Variants in SYNE1 observed in about 807,000 individuals in gnomAD.
SYNE1 encodes nesprin-1.
In SYNE1, 616 loss-of-function variants were observed where a neutral mutation model predicts 1,111.0. That is an observed-to-expected ratio of 0.55 (90% CI 0.52 to 0.59). The LOEUF (loss-of-function observed/expected upper bound fraction) is 0.59. Among genes scored for constraint, SYNE1 ranks in the 20% least tolerant of loss-of-function variants. The pLI is 0.00. For synonymous variants in SYNE1, 3,855 were observed against 3,825.8 expected, an observed-to-expected ratio of 1.01 and a Z score of -0.28; for missense variants, 10,006 against 10,417.0, an observed-to-expected ratio of 0.96 and a Z score of 1.72.
intron 3 of SYNE1, among the ~76,000 whole-genome samples, chr6:152,616,440 G>C (rs907927709): frequency 6.6e-6 from 1 of 152,134 alleles, no homozygotes; most frequent in African/African-American, 2.4e-5. Flanking sequence ...GCCAGGCATG[G>C]TGGCATATGC....
intron 6 of SYNE1, among the ~76,000 whole-genome samples, chr6:152,515,125 G>T (rs2154342541): frequency 6.6e-6 from 1 of 152,116 alleles, no homozygotes; most frequent in Non-Finnish European, 1.5e-5. Flanking sequence ...GGGAGGCTGA[G>T]GCAGGAGAAT....
At chr6:152,621,683 C>T (rs1420618691) in intron 3 of SYNE1, among the ~76,000 whole-genome samples, 3 of 151,736 alleles carry the variant, frequency 2.0e-5, no homozygotes, top group Non-Finnish European at 2.9e-5. Flanking sequence ...CTCCATGAAG[C>T]GCGATGGATG....
At chr6:152,230,911 A>AAAG (rs2082618823) in intron 114 of SYNE1, among the ~76,000 whole-genome samples, 1 of 152,140 alleles carries the variant, frequency 6.6e-6, no homozygotes, top group Non-Finnish European at 1.5e-5. Context: ...CCACACATAA[A>AAAG]ATAAACGAAC....
intron 4 of SYNE1, among the ~76,000 whole-genome samples, chr6:152,529,861 C>T (rs1487483301): frequency 6.6e-6 from 1 of 151,980 alleles, no homozygotes; most frequent in African/African-American, 2.4e-5. Context: ...CATAGACAAG[C>T]AATATCCATG....
intron 3 of SYNE1, among the ~76,000 whole-genome samples, chr6:152,560,095 G>T (rs143128890): frequency 3.9e-5 from 6 of 152,130 alleles, no homozygotes; most frequent in African/African-American, 1.4e-4. Flanking sequence ...GCTCACACCC[G>T]AAATCCCAGC....
At chr6:152,173,581 C>A (rs1341938862) in intron 130 of SYNE1, among the ~76,000 whole-genome samples, 1 of 152,184 alleles carries the variant, frequency 6.6e-6, no homozygotes, top group African/African-American at 2.4e-5. Context: ...TAACGAAGCA[C>A]CAATAAACAA....
chr6:152,254,784 G>C, intron 104 of SYNE1, 96 bp downstream of exon 104: 2 of 1,140,310 alleles, frequency 1.8e-6, no homozygotes, highest in South Asian at 1.3e-5. Flanking sequence ...TACGCATTTA[G>C]AAAAACAACA....
intron 116 of SYNE1, among the ~76,000 whole-genome samples, chr6:152,225,190 A>G (rs55885054): frequency 0.46 from 70,214 of 151,028 alleles, 16,919 homozygotes; most frequent in East Asian, 0.74. Flanking sequence ...GAATGTGAGA[A>G]ATTTCAATTT....
intron 66 of SYNE1, among the ~76,000 whole-genome samples, chr6:152,355,846 C>T (rs1282012075): frequency 6.6e-6 from 1 of 152,052 alleles, no homozygotes; most frequent in Non-Finnish European, 1.5e-5. Context: ...TTAAAAACCA[C>T]TTAAGATTGC....
intron 117 of SYNE1, among the ~76,000 whole-genome samples, chr6:152,222,446 G>A (rs554617170): frequency 3.9e-5 from 6 of 152,260 alleles, no homozygotes; most frequent in East Asian, 3.9e-4. Flanking sequence ...ACAAACTCCC[G>A]AAGATGAAGA....
At position 152,253,814 on chromosome 6, in the gene SYNE1, TTTGG is replaced by T. The variant is rs1562526528; in HGVS notation, c.19470+1062_19470+1065del. Among the ~76,000 whole-genome samples, 6 of 35,736 alleles carry T rather than the reference TTTGG, an allele frequency of 1.7e-4. 1 individual carries two copies. The highest frequency in any genetic ancestry group is 8.8e-4 in the African/African-American group (4 of 4,524). 23.4% of individuals were successfully genotyped at this position (35,736 alleles called of 152,430 possible). A position where few individuals can be genotyped will look rare whatever the true frequency, so the allele number is the denominator to read the frequency against. Reference sequence around the variant, plus strand: ...CTAATGCTACATTTATGTGTAGTGGTTTGGTTTTTTTTTTTTTTTTTTTTTTTTT... The same window carrying T: ...CTAATGCTACATTTATGTGTAGTGGTTTTTTTTTTTTTTTTTTTTTTTTTT... On this transcript the variant is annotated intron_variant, in intron 104 of 145. Transcript: ENST00000367255.
Position 152,450,819 on chromosome 6 carries a change from G to A in SYNE1, c.3201C>T (p.Asp1067=). ...IIKEHRVFFS[D]KGPHHLCEKR... Reference sequence around the variant, plus strand: ...TCTCACAGAGATGATGAGGACCTTTGTCACTGAAGAAAACCTAATGTGTAA... The same window carrying A: ...TCTCACAGAGATGATGAGGACCTTTATCACTGAAGAAAACCTAATGTGTAA... The change falls in exon 27 of 146, where the codon GAC becomes GAT. Residue 1067 remains aspartate, a synonymous_variant. Transcript: ENST00000367255. The A allele has an allele frequency of 3.1e-6, 5 of 1,614,002 alleles. No individual in the cohort carries two copies. The highest frequency in any genetic ancestry group is 4.2e-6 in the Non-Finnish European group (5 of 1,180,010).
intron 63 of SYNE1, 62 bp downstream of exon 63, chr6:152,364,785 A>G (rs2097033845): frequency 3.1e-6 from 5 of 1,604,694 alleles, no homozygotes; most frequent in South Asian, 1.1e-5. Context: ...TGGTCTGTTC[A>G]GTAGTATTAT....
chr6:152,340,884 T>C (rs2096521407), intron 74 of SYNE1, among the ~76,000 whole-genome samples: 1 of 152,304 alleles, frequency 6.6e-6, no homozygotes, highest in South Asian at 2.1e-4. Context: ...ACCATGAAGA[T>C]GGCCTGACAG....
At chr6:152,610,354 A>G (rs991062438) in intron 3 of SYNE1, among the ~76,000 whole-genome samples, 2 of 152,210 alleles carry the variant, frequency 1.3e-5, no homozygotes, top group Non-Finnish European at 2.9e-5. Context: ...TGCATACACA[A>G]GCTTCAATAG....
chr6:152,469,478 A>G (rs2098792767), intron 16 of SYNE1, among the ~76,000 whole-genome samples: 1 of 152,092 alleles, frequency 6.6e-6, no homozygotes, highest in East Asian at 1.9e-4. Flanking sequence ...GTTCCCCACC[A>G]CTACAACCAT....
intron 3 of SYNE1, chr6:152,546,271 T>C (rs1187567433): frequency 6.6e-6 from 1 of 152,216 alleles, no homozygotes; most frequent in Non-Finnish European, 1.5e-5. Flanking sequence ...AAATTGAATA[T>C]ATAAATGAAA....
chr6:152,255,300 G>A (rs971144346), intron 103 of SYNE1, among the ~76,000 whole-genome samples: 1 of 152,188 alleles, frequency 6.6e-6, no homozygotes, highest in African/African-American at 2.4e-5. Context: ...AATGAGCAAT[G>A]TAAAGTGCTA....
At chr6:152,301,808 T>C in intron 92 of SYNE1, 61 bp downstream of exon 92, 1 of 1,526,012 alleles carries the variant, frequency 6.6e-7, no homozygotes, top group South Asian at 1.3e-5. Context: ...AGAGGGAACA[T>C]GGAGCCACTC....
Sources: gnomAD v4.1 joint callset for allele counts (sites outside exome capture counted in the v4.1 genomes callset) on GRCh38, gnomAD v4.1.1 for gene constraint, MANE v1.5 for transcripts, NCBI Gene and HGNC (gene_info 2026-07-23, HGNC 2026-07-21) for gene names.